Variants in KAZN observed in about 807,000 individuals in gnomAD.
KAZN encodes the protein kazrin.
KAZN carries 40 observed loss-of-function variants against 87.4 expected under a neutral mutation model. That is an observed-to-expected ratio of 0.46 (90% CI 0.36 to 0.60). The LOEUF is 0.60. Among genes scored for constraint, KAZN ranks in the 20% least tolerant of loss-of-function variants. The pLI, the probability that KAZN is intolerant of heterozygous loss-of-function variation, is 0.00. For synonymous variants in KAZN, 466 were observed against 458.3 expected (o/e 1.02, Z -0.22); for missense variants, 898 against 1,073.9 (o/e 0.84, Z 2.29).
At chr1:15,023,119 C>T (rs1418296463) in intron 2 of KAZN, among the ~76,000 whole-genome samples, 1 of 152,162 alleles carries the variant, frequency 6.6e-6, no homozygotes, top group East Asian at 1.9e-4. Flanking sequence ...AGTGCGGATT[C>T]CTGTAGGGCC....
At chr1:14,180,037 T>C (rs1646163285) in intron 1 of KAZN, among the ~76,000 whole-genome samples, 1 of 152,194 alleles carries the variant, frequency 6.6e-6, no homozygotes, top group African/African-American at 2.4e-5. Context: ...AATGTAAATC[T>C]AGTCTAGGGC....
At chr1:13,943,453 T>C (rs111989819) in intron 1 of KAZN, among the ~76,000 whole-genome samples, 3 of 151,510 alleles carry the variant, frequency 2.0e-5, no homozygotes, top group Non-Finnish European at 4.4e-5. Flanking sequence ...TTAAAAAAAA[T>C]TTTTTAAAAA....
At chr1:14,612,391 G>A (rs956328683) in intron 1 of KAZN, among the ~76,000 whole-genome samples, 14 of 152,208 alleles carry the variant, frequency 9.2e-5, no homozygotes, top group Non-Finnish European at 1.8e-4. Context: ...ATTGGTCATG[G>A]TGAGATGCAG....
intron 1 of KAZN, among the ~76,000 whole-genome samples, chr1:14,808,392 G>A (rs1400409628): frequency 6.8e-6 from 1 of 146,906 alleles, no homozygotes; most frequent in Non-Finnish European, 1.5e-5. Flanking sequence ...TGCCTCCCGG[G>A]TTCAAGCAAT....
At chr1:14,035,236 C>T (rs908811568) in intron 1 of KAZN, among the ~76,000 whole-genome samples, 5 of 151,988 alleles carry the variant, frequency 3.3e-5, no homozygotes, top group Admixed American at 6.6e-5. Context: ...AGTGGAATTG[C>T]GTTGTGATTG....
At chr1:14,596,115 C>T (rs533677209), upstream of KAZN, among the ~76,000 whole-genome samples, 30 of 152,290 alleles carry the variant, frequency 2.0e-4, no homozygotes, top group Admixed American at 1.2e-3. Flanking sequence ...CACTCACACG[C>T]ATTCATTTAC....
At chr1:14,658,194 A>G (rs1293253409) in intron 1 of KAZN, among the ~76,000 whole-genome samples, 1 of 152,204 alleles carries the variant, frequency 6.6e-6, no homozygotes, top group Non-Finnish European at 1.5e-5. Context: ...AAACCCCGAC[A>G]GAGCTGGAGC....
In KAZN at chr1:14,260,254, G is replaced by C. The variant is rs185177032; in HGVS notation, c.249+79662G>C. On this transcript the variant is annotated intron_variant, in intron 2 of 16. Coordinates refer to the KAZN transcript ENST00000636203. ...CTGCCCTCGTGGAACTGATATTCTA[G>C]TGTAGGAGGCACACGATAAACAAAA... 5.3e-5 allele frequency among the ~76,000 whole-genome samples: 8 copies of C among 152,326 alleles called. No individual in the cohort carries two copies. In the East Asian group the frequency reaches 1.5e-3, roughly 29 times the overall value.
At chr1:14,105,899 T>C (rs1644362949) in intron 1 of KAZN, among the ~76,000 whole-genome samples, 1 of 152,224 alleles carries the variant, frequency 6.6e-6, no homozygotes, top group African/African-American at 2.4e-5. Flanking sequence ...AGGGTTGGGT[T>C]CGAGGTGATG....
At chr1:14,869,136 C>T (rs1047560625) in intron 1 of KAZN, among the ~76,000 whole-genome samples, 4 of 152,156 alleles carry the variant, frequency 2.6e-5, no homozygotes, top group Non-Finnish European at 4.4e-5. Context: ...CTATTCTAGC[C>T]GCAGGTTGGG....
chr1:14,549,958 G>A (rs1219272363), intron 2 of KAZN, among the ~76,000 whole-genome samples: 5 of 152,192 alleles, frequency 3.3e-5, no homozygotes, highest in African/African-American at 7.2e-5. Flanking sequence ...AGGATGTTTG[G>A]TATATATTGT....
intron 1 of KAZN, among the ~76,000 whole-genome samples, chr1:14,144,967 T>C (rs1227177419): frequency 6.6e-6 from 1 of 152,194 alleles, no homozygotes; most frequent in Non-Finnish European, 1.5e-5. Flanking sequence ...GGGGATCAAA[T>C]TTCCACATGA....
chr1:14,178,312 T>A (rs1646127776), intron 1 of KAZN, among the ~76,000 whole-genome samples: 1 of 152,234 alleles, frequency 6.6e-6, no homozygotes, highest in Admixed American at 6.5e-5. Flanking sequence ...CTTCAACTAC[T>A]GTTTCTGTTT....
At chr1:14,783,401 T>C (rs1375555831) in intron 1 of KAZN, among the ~76,000 whole-genome samples, 4 of 152,026 alleles carry the variant, frequency 2.6e-5, no homozygotes, top group Non-Finnish European at 5.9e-5. Context: ...AAAAACCAAC[T>C]GTCCTTCACG....
chr1:14,103,205 G>A (rs1203033919), intron 1 of KAZN, among the ~76,000 whole-genome samples: 1 of 152,170 alleles, frequency 6.6e-6, no homozygotes. Context: ...ACAGGTGTGA[G>A]CCACTGTGCC....
intron 2 of KAZN, among the ~76,000 whole-genome samples, chr1:14,963,031 G>A (rs1007662610): frequency 6.6e-6 from 1 of 150,670 alleles, no homozygotes; most frequent in African/African-American, 2.5e-5. Flanking sequence ...GTAATGTCTG[G>A]AAAGGTGATA....
intron 2 of KAZN, among the ~76,000 whole-genome samples, chr1:14,976,763 T>C (rs528224660): frequency 2.0e-5 from 3 of 152,214 alleles, no homozygotes; most frequent in African/African-American, 7.2e-5. Context: ...GCTCAAAAAC[T>C]GGGCTCTAGG....
chr1:14,979,849 TAG>T (rs1666052340), intron 2 of KAZN, among the ~76,000 whole-genome samples: 1 of 152,194 alleles, frequency 6.6e-6, no homozygotes, highest in Non-Finnish European at 1.5e-5. Context: ...AGCTGATTCA[TAG>T]AGTTTAGAAC....
chr1:14,458,790 A>T (rs1667702396), intron 2 of KAZN, among the ~76,000 whole-genome samples: 1 of 152,238 alleles, frequency 6.6e-6, no homozygotes, highest in South Asian at 2.1e-4. Flanking sequence ...CCATGATGGG[A>T]TATTTTAGCA....
Sources: allele counts gnomAD v4.1 joint callset (sites outside exome capture counted in the v4.1 genomes callset), GRCh38; gene constraint gnomAD v4.1.1; transcripts MANE v1.5; gene names NCBI Gene and HGNC (gene_info 2026-07-23, HGNC 2026-07-21).